The following STPG2 variants were observed in gnomAD, a reference collection of about 807,000 sequenced individuals.
The protein encoded by STPG2 is sperm tail PG-rich repeat containing 2, also known as sperm-tail PG-rich repeat-containing protein 2.
In STPG2, 56 loss-of-function variants were observed where a neutral mutation model predicts 54.2. The observed-to-expected ratio is 1.03, with a 90% confidence interval of 0.83 to 1.29. The LOEUF (loss-of-function observed/expected upper bound fraction) is 1.29, where lower values mean the gene tolerates loss of function less well. Among genes scored for constraint, STPG2 ranks in the 50% most tolerant of loss-of-function variants. The pLI is 0.00. For missense variants in STPG2, 596 were observed against 544.9 expected (o/e 1.09, Z -0.93); for synonymous variants, 200 against 181.8 (o/e 1.10, Z -0.81).
At chr4:97,736,712 C>T (rs993046811) in intron 9 of STPG2, among the ~76,000 whole-genome samples, 8 of 152,188 alleles carry the variant, frequency 5.3e-5, no homozygotes, top group South Asian at 2.1e-4. Flanking sequence ...CCGGGAAGCT[C>T]GAACTGGGTG....
intron 10 of STPG2, among the ~76,000 whole-genome samples, chr4:97,687,916 T>C (rs1196717390): frequency 6.6e-6 from 1 of 152,114 alleles, no homozygotes; most frequent in Admixed American, 6.5e-5. Context: ...AGAGAGTATA[T>C]TAAAGGATAA....
chr4:97,912,172 C>A (rs935041831), intron 8 of STPG2, among the ~76,000 whole-genome samples: 9 of 151,932 alleles, frequency 5.9e-5, no homozygotes, highest in Non-Finnish European at 8.8e-5. Flanking sequence ...AGATCAGCAA[C>A]CTCAAAGATC....
At chr4:97,906,305 G>A (rs972486590) in intron 8 of STPG2, among the ~76,000 whole-genome samples, 1 of 152,128 alleles carries the variant, frequency 6.6e-6, no homozygotes, top group Non-Finnish European at 1.5e-5. Flanking sequence ...ACCCTCCCAA[G>A]ACTAAACCAG....
chr4:97,713,301 A>C (rs1271814781), intron 9 of STPG2, among the ~76,000 whole-genome samples: 5 of 152,212 alleles, frequency 3.3e-5, no homozygotes, highest in Admixed American at 2.6e-4. Flanking sequence ...GTTTGCATGG[A>C]ACAAGGCCTA....
intron 9 of STPG2, among the ~76,000 whole-genome samples, chr4:97,724,724 T>C (rs572732188): frequency 6.6e-6 from 1 of 152,268 alleles, no homozygotes; most frequent in East Asian, 1.9e-4. Context: ...TCCTTAGGTA[T>C]TGATGTGAAC....
intron 8 of STPG2, among the ~76,000 whole-genome samples, chr4:97,926,610 C>A (rs1732340433): frequency 6.6e-6 from 1 of 152,138 alleles, no homozygotes; most frequent in African/African-American, 2.4e-5. Context: ...TTATTCTTTC[C>A]ATGCCTTTGC....
intron 9 of STPG2, among the ~76,000 whole-genome samples, chr4:97,769,279 A>T (rs1352308234): frequency 6.6e-6 from 1 of 152,146 alleles, no homozygotes; most frequent in African/African-American, 2.4e-5. Flanking sequence ...CTAGTACAGA[A>T]TGAGAGCCAC....
chr4:97,671,470 A>G (rs910543498), intron 10 of STPG2, among the ~76,000 whole-genome samples: 3 of 152,378 alleles, frequency 2.0e-5, no homozygotes, highest in Admixed American at 6.5e-5. Context: ...AATGCCTTTT[A>G]GCAACAAATT....
intron 5 of STPG2, among the ~76,000 whole-genome samples, chr4:98,096,084 A>G (rs1239312439): frequency 2.0e-5 from 3 of 152,218 alleles, no homozygotes; most frequent in Non-Finnish European, 4.4e-5. Context: ...GAAGAAATTA[A>G]GAAGAAAGTT....
At chr4:97,526,962 G>C (rs1252256265) in intron 4 of STPG2, among the ~76,000 whole-genome samples, 1 of 150,852 alleles carries the variant, frequency 6.6e-6, no homozygotes, top group Non-Finnish European at 1.5e-5. Context: ...TCAGAGTGCT[G>C]ATTATTAAAA....
At chr4:97,619,729 T>G (rs1422277909) in intron 10 of STPG2, among the ~76,000 whole-genome samples, 1 of 152,096 alleles carries the variant, frequency 6.6e-6, no homozygotes, top group South Asian at 2.1e-4. Context: ...GAATACCCCT[T>G]GAAGTTCTTC....
intron 5 of STPG2, among the ~76,000 whole-genome samples, chr4:98,014,839 T>C (rs1396300150): frequency 6.6e-6 from 1 of 152,206 alleles, no homozygotes; most frequent in African/African-American, 2.4e-5. Flanking sequence ...GGAAATTATT[T>C]ACCTTTCCTT....
intron 5 of STPG2, among the ~76,000 whole-genome samples, chr4:97,985,745 T>C (rs1287540747): frequency 2.0e-5 from 3 of 152,202 alleles, no homozygotes; most frequent in Non-Finnish European, 4.4e-5. Context: ...CAAATTGATA[T>C]CATATTCTTT....
chr4:97,739,987 C>T (rs1392711980), intron 9 of STPG2, among the ~76,000 whole-genome samples: 3 of 151,900 alleles, frequency 2.0e-5, no homozygotes, highest in Non-Finnish European at 2.9e-5. Context: ...AAACCGAATC[C>T]AGCAGCACAT....
chr4:97,621,080 T>C (rs1733998845), intron 10 of STPG2, among the ~76,000 whole-genome samples: 1 of 152,082 alleles, frequency 6.6e-6, no homozygotes, highest in Admixed American at 6.6e-5. Flanking sequence ...CCAGAAACTC[T>C]TTGAAATTAA....
At chr4:98,033,985 A>G (rs1482998459) in intron 5 of STPG2, among the ~76,000 whole-genome samples, 1 of 152,200 alleles carries the variant, frequency 6.6e-6, no homozygotes, top group South Asian at 2.1e-4. Context: ...ACAAACCCAC[A>G]GCCAATATCA....
chr4:98,105,063 G>C (rs981565716), intron 5 of STPG2, among the ~76,000 whole-genome samples: 41 of 152,196 alleles, frequency 2.7e-4, no homozygotes, highest in Non-Finnish European at 5.6e-4. Context: ...TGTTCAAACT[G>C]TGTTCAAATA....
At chr4:97,707,135 T>A (rs1723969297) in intron 10 of STPG2, among the ~76,000 whole-genome samples, 1 of 151,952 alleles carries the variant, frequency 6.6e-6, no homozygotes, top group African/African-American at 2.4e-5. Flanking sequence ...GGAGGAGAAG[T>A]GGAGTAAATA....
intron 4 of STPG2, among the ~76,000 whole-genome samples, chr4:97,539,010 C>G (rs1325541273): frequency 6.6e-6 from 1 of 152,140 alleles, no homozygotes; most frequent in Non-Finnish European, 1.5e-5. Context: ...TTTGTCACCA[C>G]CAGGCCTGTC....
Sources: gnomAD v4.1 joint callset for allele counts (sites outside exome capture counted in the v4.1 genomes callset) on GRCh38, gnomAD v4.1.1 for gene constraint, MANE v1.5 for transcripts, NCBI Gene and HGNC (gene_info 2026-07-23, HGNC 2026-07-21) for gene names.